The following SYT10 variants were observed in gnomAD, a reference collection of about 807,000 sequenced individuals.
The protein encoded by SYT10 is synaptotagmin-10.
SYT10 carries 31 observed loss-of-function variants against 51.1 expected under a neutral mutation model. The ratio of observed to expected loss-of-function variants is 0.61; its 90% confidence interval spans 0.46 to 0.82. The LOEUF (loss-of-function observed/expected upper bound fraction) is 0.82. Among genes scored for constraint, SYT10 ranks in the 40% least tolerant of loss-of-function variants. SYT10 has a pLI of 0.00. For missense variants in SYT10, 603 were observed against 634.0 expected (o/e 0.95, Z 0.53); for synonymous variants, 233 against 225.9 (o/e 1.03, Z -0.28).
chr12:33,410,989 T>C (rs2138419278), intron 2 of SYT10, among the ~76,000 whole-genome samples: 1 of 152,278 alleles, frequency 6.6e-6, no homozygotes, highest in East Asian at 1.9e-4. Flanking sequence ...CTGAGCCTCA[T>C]GTAACCCAAT....
chr12:33,439,093 G>A (rs190483067), intron 1 of SYT10, among the ~76,000 whole-genome samples: 1 of 152,266 alleles, frequency 6.6e-6, no homozygotes, highest in Non-Finnish European at 1.5e-5. Context: ...GGAGAACGCG[G>A]AGAGGCGCGG....
At chr12:33,421,074 T>A (rs1866499311) in intron 2 of SYT10, among the ~76,000 whole-genome samples, 1 of 152,216 alleles carries the variant, frequency 6.6e-6, no homozygotes, top group Non-Finnish European at 1.5e-5. Context: ...ATTTAATTTT[T>A]TAAAAACATT....
intron 3 of SYT10, among the ~76,000 whole-genome samples, chr12:33,396,809 T>G (rs1866259843): frequency 6.6e-6 from 1 of 151,880 alleles, no homozygotes; most frequent in South Asian, 2.1e-4. Flanking sequence ...GCCTCCCAAA[T>G]AGCTGGGACT....
At chr12:33,406,745 G>T (rs757469162) in intron 3 of SYT10, 44 bp downstream of exon 3, 9 of 1,481,816 alleles carry the variant, frequency 6.1e-6, no homozygotes, top group South Asian at 5.3e-5. Flanking sequence ...ACATAGCATT[G>T]TAAGTCAAAT....
chr12:33,384,466 C>T (rs1866141047), intron 4 of SYT10, among the ~76,000 whole-genome samples: 1 of 152,106 alleles, frequency 6.6e-6, no homozygotes, highest in South Asian at 2.1e-4. Flanking sequence ...ACAACAAATA[C>T]CTACCAGTCT....
intron 6 of SYT10, 99 bp downstream of exon 6, chr12:33,379,733 G>C (rs1866097412): frequency 2.2e-5 from 31 of 1,437,702 alleles, no homozygotes; most frequent in Non-Finnish European, 2.8e-5. Context: ...TTTTTAACAA[G>C]GGTGAATACA....
intron 3 of SYT10, among the ~76,000 whole-genome samples, chr12:33,387,018 A>G (rs1000227721): frequency 1.3e-5 from 2 of 152,208 alleles, no homozygotes; most frequent in African/African-American, 4.8e-5. Context: ...AGAGTTGTTT[A>G]CAGGATTCAG....
intron 2 of SYT10, among the ~76,000 whole-genome samples, chr12:33,425,724 T>C (rs1194527471): frequency 6.6e-6 from 1 of 152,066 alleles, no homozygotes; most frequent in Non-Finnish European, 1.5e-5. Flanking sequence ...GTGTAGAGCC[T>C]CCACGATATG....
chr12:33,380,590 T>A (rs1315168756), intron 5 of SYT10, among the ~76,000 whole-genome samples: 3 of 152,222 alleles, frequency 2.0e-5, no homozygotes, highest in Non-Finnish European at 2.9e-5. Flanking sequence ...ACAGTTAATA[T>A]TTTTGAGAGC....
At chr12:33,391,443 G>A (rs755154372) in intron 3 of SYT10, among the ~76,000 whole-genome samples, 1 of 152,082 alleles carries the variant, frequency 6.6e-6, no homozygotes, top group East Asian at 1.9e-4. Flanking sequence ...CTTATAAGGA[G>A]GCTGTGAGGG....
intron 2 of SYT10, among the ~76,000 whole-genome samples, chr12:33,421,130 A>G (rs968614243): frequency 3.9e-5 from 6 of 152,164 alleles, no homozygotes; most frequent in East Asian, 1.9e-4. Context: ...GTATTTTTAC[A>G]TAATTCTTAA....
chr12:33,389,169 A>G (rs1866182699), intron 3 of SYT10, among the ~76,000 whole-genome samples: 1 of 152,190 alleles, frequency 6.6e-6, no homozygotes, highest in Admixed American at 6.5e-5. Flanking sequence ...GAAACATGTT[A>G]GAGGAGAGTT....
At chr12:33,429,100 G>C (rs116984017) in intron 1 of SYT10, among the ~76,000 whole-genome samples, 2,207 of 152,228 alleles carry the variant, frequency 0.014, 19 homozygotes, top group Non-Finnish European at 0.02. Context: ...GGAATCAGTG[G>C]ACAAGAATGG....
intron 2 of SYT10, among the ~76,000 whole-genome samples, chr12:33,412,863 G>T (rs1226398081): frequency 1.3e-5 from 2 of 152,126 alleles, no homozygotes; most frequent in Non-Finnish European, 2.9e-5. Flanking sequence ...AGAGAAGAAG[G>T]CTTCAGACGA....
At chr12:33,433,824 C>T (rs2138440830) in intron 1 of SYT10, among the ~76,000 whole-genome samples, 1 of 152,146 alleles carries the variant, frequency 6.6e-6, no homozygotes, top group East Asian at 1.9e-4. Flanking sequence ...ACATTTTTTC[C>T]AATGCCCTTC....
At chr12:33,387,843 G>A (rs964138912) in intron 3 of SYT10, among the ~76,000 whole-genome samples, 4 of 149,230 alleles carry the variant, frequency 2.7e-5, no homozygotes, top group East Asian at 2.0e-4. Flanking sequence ...TCAACCTCTC[G>A]GGCTCAGGTG....
At chr12:33,413,802 C>T (rs1866429035) in intron 2 of SYT10, among the ~76,000 whole-genome samples, 1 of 152,124 alleles carries the variant, frequency 6.6e-6, no homozygotes, top group Non-Finnish European at 1.5e-5. Flanking sequence ...CAGCTAACAT[C>T]ATAATGACAG....
chr12:33,424,950 C>T (rs1208470206), intron 2 of SYT10, among the ~76,000 whole-genome samples: 1 of 151,964 alleles, frequency 6.6e-6, no homozygotes, highest in Non-Finnish European at 1.5e-5. Flanking sequence ...ACACTTCCAT[C>T]CCTCCTCCTT....
intron 1 of SYT10, among the ~76,000 whole-genome samples, chr12:33,427,827 A>G (rs963680864): frequency 2.6e-5 from 4 of 152,254 alleles, no homozygotes; most frequent in Admixed American, 2.6e-4. Flanking sequence ...AAAGTCATCA[A>G]AAAATTTTAA....
Sources: gnomAD v4.1 joint callset for allele counts (sites outside exome capture counted in the v4.1 genomes callset) on GRCh38, gnomAD v4.1.1 for gene constraint, MANE v1.5 for transcripts, NCBI Gene and HGNC (gene_info 2026-07-23, HGNC 2026-07-21) for gene names.